SOX6: variants seen among roughly 807,000 people sequenced by gnomAD.
The protein encoded by SOX6 is transcription factor SOX-6.
A neutral mutation model predicts 97.8 loss-of-function variants in SOX6; 11 were observed. That is an observed-to-expected ratio of 0.11 (90% confidence interval 0.07 to 0.19). The LOEUF is 0.19. SOX6 is among the 10% of genes least tolerant of loss of function. The pLI is 1.00. For missense variants in SOX6, 810 were observed against 1,039.5 expected (o/e 0.78, Z 3.04); for synonymous variants, 360 against 371.4 (o/e 0.97, Z 0.35).
intron 12 of SOX6, among the ~76,000 whole-genome samples, chr11:16,026,574 T>C (rs963852286): frequency 1.3e-5 from 2 of 152,128 alleles, no homozygotes; most frequent in Non-Finnish European, 2.9e-5. Flanking sequence ...TAAAGTAACA[T>C]AAATGCAAAG....
chr11:16,501,468 A>G (rs999958194), intron 4 of SOX6, among the ~76,000 whole-genome samples: 4 of 152,192 alleles, frequency 2.6e-5, no homozygotes, highest in East Asian at 1.9e-4. Flanking sequence ...ATGGGATCTA[A>G]TTAAACTAAA....
chr11:16,724,505 A>G (rs572050357), intron 2 of SOX6, among the ~76,000 whole-genome samples: 3 of 152,312 alleles, frequency 2.0e-5, no homozygotes, highest in Admixed American at 6.5e-5. Flanking sequence ...AAAGGACAAT[A>G]AAATGTGGTC....
In SOX6 at chr11:16,457,936, A is replaced by G. The variant is rs1016010835; in HGVS notation, c.-5+18379T>C. Reference sequence around the variant, plus strand: ...AAAATTGTTTCATTGACACATCACAATATATCTCTTCCACTATACTCTCAC... The same window carrying G: ...AAAATTGTTTCATTGACACATCACAGTATATCTCTTCCACTATACTCTCAC... On this transcript the variant is annotated intron_variant, in intron 1 of 15. Transcript: ENST00000396356. Among the ~76,000 whole-genome samples, 4 of 152,046 alleles carry G rather than the reference A, an allele frequency of 2.6e-5. No individual in the cohort carries two copies. In the South Asian group the frequency reaches 8.3e-4, roughly 31 times the overall value.
intron 1 of SOX6, among the ~76,000 whole-genome samples, chr11:16,362,840 A>G (rs1261593918): frequency 2.6e-5 from 4 of 152,180 alleles, no homozygotes; most frequent in African/African-American, 9.7e-5. Context: ...ATTCATGTGC[A>G]AGGAATGACA....
chr11:16,521,259 G>C (rs1861053133), intron 4 of SOX6, among the ~76,000 whole-genome samples: 1 of 152,104 alleles, frequency 6.6e-6, no homozygotes, highest in Non-Finnish European at 1.5e-5. Context: ...ACCTCACACG[G>C]CCGGGTACTC....
chr11:16,643,451 G>A (rs1005569318), intron 3 of SOX6, among the ~76,000 whole-genome samples: 3 of 152,200 alleles, frequency 2.0e-5, no homozygotes, highest in Non-Finnish European at 4.4e-5. Flanking sequence ...TGCCAGACAG[G>A]GACATTTAAG....
At chr11:16,081,081 C>A (rs1848462584) in intron 9 of SOX6, among the ~76,000 whole-genome samples, 1 of 151,924 alleles carries the variant, frequency 6.6e-6, no homozygotes, top group Admixed American at 6.6e-5. Flanking sequence ...AAAGCAAGAT[C>A]CCATCTCTAA....
chr11:16,723,815 C>T (rs562854247), intron 2 of SOX6, among the ~76,000 whole-genome samples: 1 of 152,066 alleles, frequency 6.6e-6, no homozygotes, highest in Admixed American at 6.6e-5. Context: ...TCCAACCTCT[C>T]GATTTTTCCC....
chr11:16,735,553 C>T (rs560575255), intron 2 of SOX6, among the ~76,000 whole-genome samples: 52 of 152,260 alleles, frequency 3.4e-4, no homozygotes, highest in African/African-American at 1.2e-3. Context: ...ATATATGAAG[C>T]ATCTTATTTA....
At chr11:16,383,591 C>A (rs1486117105) in intron 1 of SOX6, among the ~76,000 whole-genome samples, 2 of 151,840 alleles carry the variant, frequency 1.3e-5, no homozygotes, top group Non-Finnish European at 2.9e-5. Flanking sequence ...ATGTAATGTT[C>A]TTAGCACAGT....
chr11:16,372,937 C>T (rs1857529593), intron 1 of SOX6, among the ~76,000 whole-genome samples: 1 of 152,092 alleles, frequency 6.6e-6, no homozygotes, highest in Non-Finnish European at 1.5e-5. Flanking sequence ...CATAAAAGTT[C>T]ACATTAGTTA....
intron 2 of SOX6, among the ~76,000 whole-genome samples, chr11:16,338,919 A>C (rs1474462972): frequency 1.3e-5 from 2 of 152,032 alleles, no homozygotes; most frequent in East Asian, 1.9e-4. Flanking sequence ...ATACAAACAA[A>C]ATTTTTCTAG....
At chr11:16,723,789 A>G (rs1035668594) in intron 2 of SOX6, among the ~76,000 whole-genome samples, 2 of 152,184 alleles carry the variant, frequency 1.3e-5, no homozygotes, top group African/African-American at 4.8e-5. Flanking sequence ...CTCAAAAAAT[A>G]AAAAAGAAAG....
At chr11:16,468,853 C>A (rs1460564168) in intron 1 of SOX6, among the ~76,000 whole-genome samples, 1 of 152,124 alleles carries the variant, frequency 6.6e-6, no homozygotes, top group African/African-American at 2.4e-5. Flanking sequence ...CTAGCTCAGG[C>A]TGTGTATTTT....
At chr11:16,210,476 G>A (rs1239894834) in intron 4 of SOX6, among the ~76,000 whole-genome samples, 2 of 152,148 alleles carry the variant, frequency 1.3e-5, no homozygotes, top group African/African-American at 2.4e-5. Flanking sequence ...TTGTTTAGGG[G>A]TGGGGAGTTG....
intron 6 of SOX6, among the ~76,000 whole-genome samples, chr11:16,146,832 T>G (rs1225879838): frequency 2.0e-5 from 3 of 152,082 alleles, no homozygotes; most frequent in Admixed American, 6.6e-5. Flanking sequence ...AGAACGGTGA[T>G]CATTAAAAAG....
chr11:16,569,783 G>A (rs1847917132), intron 4 of SOX6, among the ~76,000 whole-genome samples: 1 of 150,370 alleles, frequency 6.7e-6, no homozygotes, highest in Admixed American at 6.7e-5. Flanking sequence ...GCAAGAGAAT[G>A]GTGTGAACCC....
chr11:16,448,826 G>T (rs768308078), intron 1 of SOX6, among the ~76,000 whole-genome samples: 2 of 152,040 alleles, frequency 1.3e-5, no homozygotes, highest in Admixed American at 1.3e-4. Flanking sequence ...GAACCCAGGG[G>T]TTCAAGGCCA....
At chr11:16,202,475 GA>G (rs1328329640) in intron 4 of SOX6, among the ~76,000 whole-genome samples, 1 of 151,660 alleles carries the variant, frequency 6.6e-6, no homozygotes, top group Non-Finnish European at 1.5e-5. Context: ...TAAATTCCAC[GA>G]AAAAAAGTAT....
Sources: gnomAD v4.1 joint callset for allele counts (sites outside exome capture counted in the v4.1 genomes callset) on GRCh38, gnomAD v4.1.1 for gene constraint, MANE v1.5 for transcripts, NCBI Gene and HGNC (gene_info 2026-07-23, HGNC 2026-07-21) for gene names.